The following ELFN1 variants were observed in gnomAD, a reference collection of about 807,000 sequenced individuals.
ELFN1 encodes extracellular leucine rich repeat and fibronectin type III domain containing 1.
In ELFN1, 6 loss-of-function variants were observed where a neutral mutation model predicts 7.6. That is an observed-to-expected ratio of 0.79 (90% CI 0.43 to 1.56). The LOEUF is 1.56. Ranked by LOEUF, ELFN1 falls within the 40% of genes most tolerant of loss-of-function variation. The pLI is 0.01. For synonymous variants in ELFN1, 657 were observed against 588.1 expected (o/e 1.12, Z -1.70); for missense variants, 1,169 against 1,232.2 (o/e 0.95, Z 0.77).
chr7:1,704,245 G>T (rs986029841), intron 2 of ELFN1, among the ~76,000 whole-genome samples: 4 of 152,096 alleles, frequency 2.6e-5, no homozygotes, highest in African/African-American at 9.7e-5. Context: ...CTGGTGGGTG[G>T]GGCCACCTCC....
chr7:1,696,055 C>G (rs561802215), intron 2 of ELFN1, among the ~76,000 whole-genome samples: 1 of 152,156 alleles, frequency 6.6e-6, no homozygotes, highest in East Asian at 1.9e-4. Context: ...ATTGTCTCCC[C>G]GCCCTGAGAC....
chr7:1,741,769 G>A (rs1780621850), intron 3 of ELFN1, among the ~76,000 whole-genome samples: 1 of 152,008 alleles, frequency 6.6e-6, no homozygotes, highest in African/African-American at 2.4e-5. Flanking sequence ...GGAAATCTGG[G>A]GGGCTCCGAG....
intron 3 of ELFN1, among the ~76,000 whole-genome samples, chr7:1,725,899 C>G (rs1780179781): frequency 6.6e-6 from 1 of 151,742 alleles, no homozygotes; most frequent in Admixed American, 6.6e-5. Context: ...CAAATACACA[C>G]TCACACAAAA....
Position 1,670,724 on chromosome 7 carries a change from C to A in ELFN1, c.-549+370C>A, listed in dbSNP as rs1284150114. Among the ~76,000 whole-genome samples, 5 of 152,200 alleles carry A rather than the reference C, an allele frequency of 3.3e-5. No homozygotes were observed. The highest frequency in any genetic ancestry group is 4.8e-5 in the African/African-American group (2 of 41,468). On this transcript the variant is annotated intron_variant, in intron 1 of 3. Transcript: ENST00000424383. This position sits in a 1 kb window ranked among gnomAD's most constrained non-coding sequence, Gnocchi z 6.4. ...CTGCCCGGCGCCCCCCAGACGCGGC[C>A]CCCTGCCCTTCCCTTCCCGGAAATT... is the stretch of plus-strand genomic sequence containing the variant.
upstream of ELFN1, among the ~76,000 whole-genome samples, chr7:1,669,187 C>A (rs1778715036): frequency 6.6e-6 from 1 of 152,262 alleles, no homozygotes; most frequent in African/African-American, 2.4e-5. Context: ...ATTCCCTCTC[C>A]GGTCCCCACA....
intron 3 of ELFN1, among the ~76,000 whole-genome samples, chr7:1,742,580 A>G (rs1316140403): frequency 6.6e-5 from 10 of 152,182 alleles, no homozygotes; most frequent in African/African-American, 1.4e-4. Context: ...ATCCAACCGG[A>G]CCACGTGGGG....
chr7:1,736,328 C>G (rs1021468737), intron 3 of ELFN1, among the ~76,000 whole-genome samples: 6 of 152,214 alleles, frequency 3.9e-5, no homozygotes, highest in African/African-American at 9.7e-5. Context: ...AAACTTCGCT[C>G]CATCAGCAGA....
intron 1 of ELFN1, among the ~76,000 whole-genome samples, chr7:1,681,279 A>G (rs984326512): frequency 3.3e-5 from 5 of 152,248 alleles, no homozygotes; most frequent in African/African-American, 7.2e-5. Context: ...GCGTGGGGCC[A>G]TTATGAATCA....
At chr7:1,674,150 C>G (rs1475568338) in intron 1 of ELFN1, among the ~76,000 whole-genome samples, 1 of 151,652 alleles carries the variant, frequency 6.6e-6, no homozygotes, top group Admixed American at 6.6e-5. Flanking sequence ...CTCCTCTGCT[C>G]CCTGCTCTGG....
chr7:1,702,051 C>A (rs1246335196), intron 2 of ELFN1, among the ~76,000 whole-genome samples: 1 of 152,092 alleles, frequency 6.6e-6, no homozygotes, highest in African/African-American at 2.4e-5. Flanking sequence ...CTGTTTGTTC[C>A]ATGGGCTTGT....
intron 2 of ELFN1, among the ~76,000 whole-genome samples, chr7:1,702,399 G>A (rs966329248): frequency 1.8e-4 from 28 of 151,444 alleles, no homozygotes; most frequent in Admixed American, 1.8e-3. Context: ...CTCCATCCTG[G>A]GCGACAGAAC....
At chr7:1,728,552 C>T (rs1049027402) in intron 3 of ELFN1, among the ~76,000 whole-genome samples, 2 of 152,174 alleles carry the variant, frequency 1.3e-5, no homozygotes, top group Admixed American at 6.5e-5. Flanking sequence ...TCCCCTGGTT[C>T]GGAGGCACCT....
intron 3 of ELFN1, among the ~76,000 whole-genome samples, chr7:1,716,024 G>A (rs1256700210): frequency 6.6e-6 from 1 of 152,236 alleles, no homozygotes; most frequent in Non-Finnish European, 1.5e-5. Context: ...TTGCTCACCA[G>A]CTGTGCACAC....
At chr7:1,725,293 C>T (rs971379198) in intron 3 of ELFN1, among the ~76,000 whole-genome samples, 2 of 152,224 alleles carry the variant, frequency 1.3e-5, no homozygotes, top group Non-Finnish European at 2.9e-5. Context: ...AGAATCCCGC[C>T]CACAGCTGGT....
Position 1,744,828 on chromosome 7 carries a change from G to T in ELFN1, c.232G>T (p.Ala78Ser). 1 of 1,570,708 alleles carries T rather than the reference G, an allele frequency of 6.4e-7. No homozygotes were observed. The highest frequency in any genetic ancestry group is 8.6e-7 in the Non-Finnish European group (1 of 1,157,086). Residue 78 changes from alanine (A) to serine (S), a missense_variant, in exon 4 of 4, where the codon GCC (alanine) becomes TCC (serine). Physicochemically the swap from Ala to Ser is moderately conservative, Grantham distance 99. Transcript: ENST00000424383. Reference protein sequence around the residue: ...NENRIRSVQYASLSRFGNLTY... With the variant: ...NENRIRSVQYSSLSRFGNLTY... Reference sequence around the variant, plus strand: ...GAACCGTATCCGCAGCGTGCAGTACGCCTCGCTCAGCCGCTTTGGCAACCT... The same window carrying T: ...GAACCGTATCCGCAGCGTGCAGTACTCCTCGCTCAGCCGCTTTGGCAACCT...
At chr7:1,684,453 CATTCA>C (rs2128577785) in intron 1 of ELFN1, among the ~76,000 whole-genome samples, 1 of 152,068 alleles carries the variant, frequency 6.6e-6, no homozygotes, top group South Asian at 2.1e-4. Flanking sequence ...CTGTTTAGTC[CATTCA>C]CACTTAATGC....
intron 3 of ELFN1, among the ~76,000 whole-genome samples, chr7:1,722,234 C>T (rs1780044715): frequency 6.6e-6 from 1 of 151,254 alleles, no homozygotes; most frequent in Non-Finnish European, 1.5e-5. Flanking sequence ...GTTCATGAGT[C>T]ATCCTCACAG....
At chr7:1,682,525 C>T (rs909293190) in intron 1 of ELFN1, among the ~76,000 whole-genome samples, 5 of 152,052 alleles carry the variant, frequency 3.3e-5, no homozygotes, top group African/African-American at 1.2e-4. Context: ...ACTGAAGCCT[C>T]GAATTCCTGG....
At chr7:1,742,597 T>C (rs1780658123) in intron 3 of ELFN1, among the ~76,000 whole-genome samples, 2 of 152,154 alleles carry the variant, frequency 1.3e-5, no homozygotes, top group African/African-American at 2.4e-5. Flanking sequence ...GGGGACCCCA[T>C]TTTCCCTACC....
Sources: allele counts gnomAD v4.1 joint callset (sites outside exome capture counted in the v4.1 genomes callset), GRCh38; gene constraint gnomAD v4.1.1; non-coding constraint Gnocchi (gnomAD v3.1); transcripts MANE v1.5; gene names NCBI Gene and HGNC (gene_info 2026-07-23, HGNC 2026-07-21).